UNC5C: variants seen among roughly 807,000 people sequenced by gnomAD.
UNC5C encodes the protein unc-5 netrin receptor C.
UNC5C carries 47 observed loss-of-function variants against 99.8 expected under a neutral mutation model. The observed-to-expected ratio is 0.47, with a 90% confidence interval of 0.37 to 0.60. UNC5C has a LOEUF of 0.60. Among genes scored for constraint, UNC5C ranks in the 20% least tolerant of loss-of-function variants. The pLI, the probability that UNC5C is intolerant of heterozygous loss-of-function variation, is 0.00. For synonymous variants in UNC5C, 487 were observed against 452.2 expected, an observed-to-expected ratio of 1.08 and a Z score of -0.98; for missense variants, 1,062 against 1,165.9, an observed-to-expected ratio of 0.91 and a Z score of 1.30.
intron 1 of UNC5C, among the ~76,000 whole-genome samples, chr4:95,483,475 GTAC>G (rs982400515): frequency 6.6e-6 from 1 of 151,648 alleles, no homozygotes; most frequent in Non-Finnish European, 1.5e-5. Context: ...AATCTTAAAT[GTAC>G]TACAATTTTT....
At chr4:95,543,401 A>G (rs941456180) in intron 1 of UNC5C, among the ~76,000 whole-genome samples, 3 of 152,198 alleles carry the variant, frequency 2.0e-5, no homozygotes, top group East Asian at 1.9e-4. Context: ...AGATGCAAAT[A>G]TTTCACCAAA....
intron 1 of UNC5C, among the ~76,000 whole-genome samples, chr4:95,525,875 G>A (rs1406141173): frequency 2.6e-5 from 4 of 152,076 alleles, no homozygotes; most frequent in Admixed American, 2.0e-4. Context: ...CTTGTTCCCG[G>A]TTTAACAAAT....
chr4:95,365,013 G>T (rs887563911), intron 1 of UNC5C, among the ~76,000 whole-genome samples: 1 of 151,296 alleles, frequency 6.6e-6, no homozygotes, highest in Non-Finnish European at 1.5e-5. Flanking sequence ...TAAATATTTA[G>T]GTCGGGTGCA....
rs1435389552 is a variant in UNC5C, at chr4:95,172,015, T to C, written c.2452-1683A>G. ...TGATGGTGAGCATTTTTTCATGTGT[T>C]TTTTGGCTGCATAAATGTCTTCTTT... On this transcript the variant is annotated intron_variant, in intron 14 of 15. Transcript: ENST00000453304. 2.0e-4 allele frequency among the ~76,000 whole-genome samples: 30 copies of C among 149,646 alleles called. No homozygotes were observed. The East Asian group carries it at 3.1e-3, about 16-fold the overall frequency.
At chr4:95,404,444 G>C (rs1202952208) in intron 1 of UNC5C, among the ~76,000 whole-genome samples, 3 of 152,134 alleles carry the variant, frequency 2.0e-5, no homozygotes, top group African/African-American at 7.2e-5. Flanking sequence ...ATGCAATGAA[G>C]AGAACCAAAG....
chr4:95,341,500 A>G (rs59429106), intron 1 of UNC5C, among the ~76,000 whole-genome samples: 3,664 of 118,050 alleles, frequency 0.031, 149 homozygotes, highest in African/African-American at 0.09. Context: ...AAGAAAGAAG[A>G]AAGAGAGAGA....
chr4:95,475,255 G>A (rs746416743), intron 1 of UNC5C, among the ~76,000 whole-genome samples: 1 of 152,030 alleles, frequency 6.6e-6, no homozygotes, highest in Non-Finnish European at 1.5e-5. Flanking sequence ...CCCCATGAAA[G>A]ATCCACATTA....
chr4:95,419,776 T>A (rs953615658), intron 1 of UNC5C, among the ~76,000 whole-genome samples: 2 of 152,072 alleles, frequency 1.3e-5, no homozygotes, highest in Non-Finnish European at 1.5e-5. Flanking sequence ...TGGTCCATGT[T>A]GAACATTTAT....
At chr4:95,301,545 A>G in intron 3 of UNC5C, 61 bp downstream of exon 3, 13 of 1,607,116 alleles carry the variant, frequency 8.1e-6, no homozygotes, top group Non-Finnish European at 1.1e-5. Context: ...GTCACAGTGT[A>G]AACTTTCCCT....
chr4:95,457,388 T>TC (rs1578174132), intron 1 of UNC5C, among the ~76,000 whole-genome samples: 1 of 152,238 alleles, frequency 6.6e-6, no homozygotes, highest in East Asian at 1.9e-4. Flanking sequence ...ATTAACCCCT[T>TC]CCCTATCTTC....
At chr4:95,469,043 C>G (rs1300380799) in intron 1 of UNC5C, among the ~76,000 whole-genome samples, 1 of 152,068 alleles carries the variant, frequency 6.6e-6, no homozygotes, top group Non-Finnish European at 1.5e-5. Context: ...TAGATAAGGG[C>G]AGTTCCAGTC....
chr4:95,486,389 T>C (rs4103379), intron 1 of UNC5C, among the ~76,000 whole-genome samples: 68,510 of 151,334 alleles, frequency 0.45, 15,748 homozygotes, highest in African/African-American at 0.48. Context: ...TCTAAAATTC[T>C]TTGACTCCAA....
chr4:95,450,320 A>G (rs1224615840), intron 1 of UNC5C, among the ~76,000 whole-genome samples: 1 of 152,214 alleles, frequency 6.6e-6, no homozygotes, highest in African/African-American at 2.4e-5. Flanking sequence ...CCTGGGCTCA[A>G]GTGATCCTCA....
chr4:95,462,808 G>GTAC (rs372380791), intron 1 of UNC5C, among the ~76,000 whole-genome samples: 2 of 152,236 alleles, frequency 1.3e-5, no homozygotes, highest in East Asian at 3.9e-4. Flanking sequence ...AATACTAAGT[G>GTAC]TACTAGTATT....
chr4:95,321,904 C>A (rs1330682428), intron 2 of UNC5C, among the ~76,000 whole-genome samples: 1 of 152,146 alleles, frequency 6.6e-6, no homozygotes, highest in African/African-American at 2.4e-5. Context: ...ATTTACTCAG[C>A]CCTGGGGCCA....
chr4:95,344,686 T>TA (rs1743704460), intron 1 of UNC5C, among the ~76,000 whole-genome samples: 1 of 152,040 alleles, frequency 6.6e-6, no homozygotes, highest in African/African-American at 2.4e-5. Flanking sequence ...AACAAAAAGT[T>TA]AAAAAGTCAG....
intron 1 of UNC5C, among the ~76,000 whole-genome samples, chr4:95,478,875 A>G (rs1721043627): frequency 6.6e-6 from 1 of 151,832 alleles, no homozygotes; most frequent in Non-Finnish European, 1.5e-5. Context: ...TATCATGGTA[A>G]TCAGCAAGTT....
intron 1 of UNC5C, among the ~76,000 whole-genome samples, chr4:95,392,677 G>A (rs1312630548): frequency 6.6e-6 from 1 of 151,966 alleles, no homozygotes; most frequent in East Asian, 1.9e-4. Flanking sequence ...CTAACTTCAA[G>A]TGATCCTCCC....
chr4:95,348,607 T>TAC (rs1377008622), intron 1 of UNC5C, among the ~76,000 whole-genome samples: 13 of 148,782 alleles, frequency 8.7e-5, no homozygotes, highest in African/African-American at 1.7e-4. Context: ...TTAAAAGTAT[T>TAC]TTTTAATGAC....
Sources: allele counts gnomAD v4.1 joint callset (sites outside exome capture counted in the v4.1 genomes callset), GRCh38; gene constraint gnomAD v4.1.1; transcripts MANE v1.5; gene names NCBI Gene and HGNC (gene_info 2026-07-23, HGNC 2026-07-21).